Variants in MED14 observed in about 807,000 individuals in gnomAD.
MED14 encodes the protein mediator complex subunit 14.
Under a neutral mutation model 109.0 loss-of-function variants are expected in MED14, and 8 were observed. The observed-to-expected ratio is 0.07, with a 90% CI of 0.04 to 0.13. MED14 has a LOEUF of 0.13. Among genes scored for constraint, MED14 ranks in the 10% least tolerant of loss-of-function variants. MED14 has a pLI of 1.00. For missense variants in MED14, 711 were observed against 1,142.4 expected, an observed-to-expected ratio of 0.62 and a Z score of 5.44; for synonymous variants, 399 against 408.7, an observed-to-expected ratio of 0.98 and a Z score of 0.29.
chrX:40,682,556 CTTT>C, intron 18 of MED14, 44 bp downstream of exon 18: 1 of 818,275 alleles, frequency 1.2e-6, no homozygotes, highest in South Asian at 3.2e-5. Flanking sequence ...AGGGTGAGGG[CTTT>C]TTTTTTTTAA....
intron 12 of MED14, among the ~76,000 whole-genome samples, chrX:40,697,486 T>C (rs1234870665): frequency 9.0e-6 from 1 of 111,608 alleles, no homozygotes; most frequent in African/African-American, 3.3e-5. Context: ...TTTCCTACGG[T>C]TTAAAGACAG....
intron 16 of MED14, 146 bp from the exon 17 acceptor site, chrX:40,683,142 T>A: frequency 2.3e-6 from 1 of 430,823 alleles, no homozygotes; most frequent in Non-Finnish European, 3.9e-6. Context: ...TTCACAGCAA[T>A]TAATAGTATT....
At chrX:40,691,760 T>C (rs1294432275) in intron 15 of MED14, among the ~76,000 whole-genome samples, 2 of 108,445 alleles carry the variant, frequency 1.8e-5, no homozygotes, top group African/African-American at 3.4e-5. Context: ...TACAGGCGTG[T>C]GCCACCACAC....
chrX:40,692,321 G>C lies in MED14; in HGVS notation c.1846-4C>G. On this transcript the variant is annotated splice_polypyrimidine_tract_variant and splice_region_variant and intron_variant, in intron 14 of 30. Coordinates refer to ENST00000324817, the MANE Select transcript of MED14 (RefSeq NM_004229.4). ...CTGGACATGGATCATCAGACAACTA[G>C]AATTTAAGTAAAGAACACAAACAGG... The C allele has an allele frequency of 9.4e-7, 1 of 1,066,693 alleles. No individual in the cohort carries two copies. The highest frequency in any genetic ancestry group is 1.2e-6 in the Non-Finnish European group (1 of 802,623). 87.9% of individuals were successfully genotyped at this position (1,066,693 alleles called of 1,213,427 possible).
At chrX:40,664,545 T>C in intron 24 of MED14, 56 bp from the exon 25 acceptor site, 7 of 773,199 alleles carry the variant, frequency 9.1e-6, no homozygotes, top group Non-Finnish European at 1.2e-5. Flanking sequence ...AACTGAAAAT[T>C]ATTTGACAGC....
intron 23 of MED14, among the ~76,000 whole-genome samples, chrX:40,668,212 G>T (rs749767579): frequency 1.0e-4 from 11 of 109,951 alleles, no homozygotes; most frequent in African/African-American, 3.6e-4. Context: ...GCAAAACCCC[G>T]TCTCTACTAA....
At chrX:40,685,989 T>C (rs1212459606) in intron 16 of MED14, among the ~76,000 whole-genome samples, 1 of 111,832 alleles carries the variant, frequency 8.9e-6, no homozygotes, top group Non-Finnish European at 1.9e-5. Flanking sequence ...TCCAATTCCA[T>C]ACTCATTAGG....
chrX:40,711,096 T>A (rs1465166114), intron 8 of MED14, 73 bp downstream of exon 8: 8 of 1,068,583 alleles, frequency 7.5e-6, no homozygotes, highest in Non-Finnish European at 8.9e-6. Context: ...AAATCAGATG[T>A]ATGAGAGAAA....
rs750549671 is a variant in MED14 at position 40,714,863 on chromosome X, TGAA to T, written c.349-156_349-154del. 4.0e-4 allele frequency: 196 copies of T among 484,311 alleles called. No individual in the cohort carries two copies. The African/African-American group carries it at 4.4e-3, about 11-fold the overall frequency. The allele number at this position is 484,311 out of a possible 1,213,427, so 39.9% of individuals were successfully genotyped here. A position where few individuals can be genotyped will look rare whatever the true frequency, so the allele number is the denominator to read the frequency against. Reference sequence around the variant, plus strand: ...GTTCTTCAAATATTCTCCAGTAACTTGAAGAAGAAATATTTAATACACTAGTAT... The same window carrying T: ...GTTCTTCAAATATTCTCCAGTAACTTGAAGAAATATTTAATACACTAGTAT... On this transcript the variant is annotated intron_variant, in intron 3 of 30. Transcript: ENST00000324817.
chrX:40,675,956 CAT>C (rs777620758), intron 21 of MED14, among the ~76,000 whole-genome samples: 1 of 112,211 alleles, frequency 8.9e-6, no homozygotes, highest in Non-Finnish European at 1.9e-5. Flanking sequence ...CGAATATACA[CAT>C]ATTTGAATCA....
chrX:40,649,310 A>T lies in MED14; in HGVS notation c.*2496T>A, dbSNP rs1928772580. 1 of 138,698 alleles carries T rather than the reference A, an allele frequency of 7.2e-6. No individual in the cohort carries two copies. Among genetic ancestry groups the T allele is most frequent in the South Asian group, 1.6e-4 (1 of 6,116 alleles). 11.4% of individuals were successfully genotyped at this position (138,698 alleles called of 1,213,427 possible). A position where few individuals can be genotyped will look rare whatever the true frequency, so the allele number is the denominator to read the frequency against. The stretch of plus-strand genomic sequence containing the variant: ...ATGCTTGCACTTAACTCACTCAGTT[A>T]ATTTTCAAACATAAGGTTCGACTCC... On this transcript the variant is annotated 3_prime_UTR_variant, in exon 31 of 31. Coordinates refer to ENST00000324817, the MANE Select transcript of MED14 (RefSeq NM_004229.4).
chrX:40,727,350 C>T (rs1931927329), intron 2 of MED14, among the ~76,000 whole-genome samples: 1 of 111,782 alleles, frequency 8.9e-6, no homozygotes, highest in Non-Finnish European at 1.9e-5. Flanking sequence ...CATCCTGCAC[C>T]AGCATGAAAG....
chrX:40,674,542 C>G lies in MED14; in HGVS notation c.3021+679G>C, dbSNP rs1390681384. 7.1e-5 allele frequency among the ~76,000 whole-genome samples: 8 copies of G among 112,211 alleles called. No individual in the cohort carries two copies. The East Asian group carries it at 2.2e-3, about 31-fold the overall frequency. On this transcript the variant is annotated intron_variant, in intron 22 of 30. Coordinates refer to ENST00000324817, the MANE Select transcript of MED14 (RefSeq NM_004229.4). Reference sequence around the variant, plus strand: ...TAAAGGATGTGCCAAAGAGCCTTGCCTACAGGCTGTGTGCTCATATACAAC... The same window carrying G: ...TAAAGGATGTGCCAAAGAGCCTTGCGTACAGGCTGTGTGCTCATATACAAC...
intron 22 of MED14, among the ~76,000 whole-genome samples, chrX:40,673,126 A>G (rs1316068585): frequency 8.9e-6 from 1 of 112,293 alleles, no homozygotes; most frequent in Admixed American, 9.4e-5. Context: ...CATAGCACAG[A>G]TATCTGATAA....
chrX:40,658,590 C>T (rs1033464369), intron 28 of MED14, among the ~76,000 whole-genome samples: 3 of 106,717 alleles, frequency 2.8e-5, no homozygotes, highest in African/African-American at 1.0e-4. Flanking sequence ...GTGGCTCACA[C>T]CTGTAATCCC....
chrX:40,701,114 T>A (rs777297784), intron 12 of MED14, 51 bp downstream of exon 12: 1 of 905,313 alleles, frequency 1.1e-6, no homozygotes, highest in Non-Finnish European at 1.6e-6. Flanking sequence ...AAAACATATC[T>A]TGTCAAAATA....
chrX:40,690,697 G>C (rs1290018794), intron 15 of MED14, among the ~76,000 whole-genome samples: 1 of 111,024 alleles, frequency 9.0e-6, no homozygotes, highest in Non-Finnish European at 1.9e-5. Flanking sequence ...CTACAGGCAT[G>C]AGTCACCGTG....
At chrX:40,665,880 C>T (rs1929460558) in intron 24 of MED14, among the ~76,000 whole-genome samples, 1 of 112,304 alleles carries the variant, frequency 8.9e-6, no homozygotes, top group African/African-American at 3.2e-5. Context: ...AAAATGGAAA[C>T]ATTCTAAACA....
chrX:40,672,770 TATTG>T (rs988951755), intron 22 of MED14, among the ~76,000 whole-genome samples: 1 of 111,155 alleles, frequency 9.0e-6, no homozygotes, highest in African/African-American at 3.3e-5. Flanking sequence ...TTTTTTTTTT[TATTG>T]ATTCTTTCTA....
Sources: allele counts gnomAD v4.1 joint callset (sites outside exome capture counted in the v4.1 genomes callset), GRCh38; gene constraint gnomAD v4.1.1; transcripts MANE v1.5; gene names NCBI Gene and HGNC (gene_info 2026-07-23, HGNC 2026-07-21).